The following METTL25B variants were observed in gnomAD, a reference collection of about 807,000 sequenced individuals.
METTL25B encodes methyltransferase like 25B, also known as methyltransferase-like protein 25B.
In METTL25B, 38 loss-of-function variants were observed where a neutral mutation model predicts 48.4. The observed-to-expected ratio is 0.78, with a 90% CI of 0.61 to 1.03. The LOEUF (loss-of-function observed/expected upper bound fraction) is 1.03, where lower values mean the gene tolerates loss of function less well. Ranked by LOEUF, METTL25B falls within the 50% of genes least tolerant of loss-of-function variation. METTL25B has a pLI of 0.00. For missense variants in METTL25B, 537 were observed against 603.7 expected (o/e 0.89, Z 1.16); for synonymous variants, 230 against 254.5 (o/e 0.90, Z 0.92).
chr1:156,729,210 A>T lies in METTL25B; in HGVS notation c.106A>T (p.Ile36Phe). Residue 36 changes from isoleucine (I) to phenylalanine (F), a missense_variant, in exon 1 of 8, where the codon ATC (isoleucine) becomes TTC (phenylalanine). Coordinates refer to ENST00000368216, the MANE Select transcript of METTL25B (RefSeq NM_015997.4). ...CTACCGTTCCATCTTGGATGCCTAC[A>T]TCATCGTGAGGCCACAGGGGCGTGG... ...ALYRSILDAY[I>F]IEFFTDNLWD... 1.3e-6 allele frequency: 2 copies of T among 1,599,044 alleles called. No homozygotes were observed. Among genetic ancestry groups the T allele is most frequent in the Non-Finnish European group, 1.7e-6 (2 of 1,168,628 alleles).
At position 156,735,849 on chromosome 1, in the gene METTL25B, C is replaced by CT; in HGVS notation, c.1248dup (p.Ala417CysfsTer24). Reference sequence around the variant, plus strand: ...GGCCTTCTTCAGCCTGGCTCTACTGCTTGCCCCACTGGTGGAGACGCTTAT... The same window carrying CT: ...GGCCTTCTTCAGCCTGGCTCTACTGCTTTGCCCCACTGGTGGAGACGCTTAT... On this transcript the variant is annotated frameshift_variant, in exon 7 of 8. Coordinates refer to ENST00000368216, the MANE Select transcript of METTL25B (RefSeq NM_015997.4). LOFTEE classifies it high-confidence loss of function. 1 of 1,613,190 alleles carries CT rather than the reference C, an allele frequency of 6.2e-7. No homozygotes were observed. Among genetic ancestry groups the CT allele is most frequent in the Admixed American group, 1.7e-5 (1 of 59,914 alleles).
chr1:156,736,823 C>G lies in METTL25B; in HGVS notation c.*70C>G. 2 of 1,490,608 alleles carry G rather than the reference C, an allele frequency of 1.3e-6. No individual in the cohort carries two copies. The highest frequency in any genetic ancestry group is 1.8e-6 in the Non-Finnish European group (2 of 1,102,912). 92.3% of individuals were successfully genotyped at this position (1,490,608 alleles called of 1,614,324 possible). A position where few individuals can be genotyped will look rare whatever the true frequency, so the allele number is the denominator to read the frequency against. Reference sequence around the variant, plus strand: ...CAGAGAGCACAGTGGCAGAGTACATCTCATCCAGAGAAACAGCATCCTGCA... The same window carrying G: ...CAGAGAGCACAGTGGCAGAGTACATGTCATCCAGAGAAACAGCATCCTGCA... On this transcript the variant is annotated 3_prime_UTR_variant, in exon 8 of 8. Transcript: ENST00000368216.
At chr1:156,734,601 G>A (rs957952100) in intron 6 of METTL25B, 108 bp downstream of exon 6, 8 of 1,227,976 alleles carry the variant, frequency 6.5e-6, no homozygotes, top group Non-Finnish European at 8.9e-6. Flanking sequence ...GAGCGATCTC[G>A]GCTCACTGCA....
Position 156,734,245 on chromosome 1 carries a change from T to C in METTL25B, c.873T>C (p.Ser291=). The change falls in exon 6 of 8, where the codon AGT becomes AGC. Residue 291 remains serine, a synonymous_variant. Transcript: ENST00000368216. ...TGGGCTGCTGCTACATGAAGCTGAG[T>C]GACCCTGGCGGCTACCCACTGAGTC... ...ASVGCCYMKL[S]DPGGYPLSQW... is the part of the protein sequence containing the mutation. 1 of 1,614,088 alleles carries C rather than the reference T, an allele frequency of 6.2e-7. No homozygotes were observed. The highest frequency in any genetic ancestry group is 8.5e-7 in the Non-Finnish European group (1 of 1,179,990).
Position 156,733,227 on chromosome 1 carries a change from A to G in METTL25B, c.493-150A>G, listed in dbSNP as rs1286989725. The G allele has an allele frequency of 3.8e-6, 4 of 1,048,494 alleles. No homozygotes were observed. In the East Asian group the frequency reaches 9.9e-5, roughly 26 times the overall value. The allele number at this position is 1,048,494 out of a possible 1,614,324, so 64.9% of individuals were successfully genotyped here. ...TTAACAATGGGGGAGTTATATACCA[A>G]CTTAAGCCACACTGATGTTAATAAG... On this transcript the variant is annotated intron_variant, in intron 4 of 7. Transcript: ENST00000368216.
chr1:156,735,416 A>G (rs990955994), intron 6 of METTL25B, among the ~76,000 whole-genome samples: 5 of 142,504 alleles, frequency 3.5e-5, no homozygotes, highest in Non-Finnish European at 6.1e-5. Flanking sequence ...TCAAAAATAC[A>G]TGGCCAGGTG....
At chr1:156,733,087 G>C in intron 4 of METTL25B, 40 bp downstream of exon 4, 1 of 1,583,946 alleles carries the variant, frequency 6.3e-7, no homozygotes, top group African/African-American at 1.3e-5. Flanking sequence ...TTGAGTCATG[G>C]GGACATAGAA....
In METTL25B at chr1:156,728,866, G is replaced by A; in HGVS notation, c.-239G>A. ...ACTGCACTGTTACCCCGCCCTACGT[G>A]TCTCTGACGCTGACACCTTCTCACT... is the stretch of plus-strand genomic sequence containing the variant. On this transcript the variant is annotated 5_prime_UTR_variant, in exon 1 of 8. Coordinates refer to ENST00000368216, the MANE Select transcript of METTL25B (RefSeq NM_015997.4). 1.5e-6 allele frequency: 1 copy of A among 664,678 alleles called. No individual in the cohort carries two copies. Among genetic ancestry groups the A allele is most frequent in the East Asian group, 3.8e-5 (1 of 26,160 alleles). The allele number at this position is 664,678 out of a possible 1,614,324, so 41.2% of individuals were successfully genotyped here.
intron 3 of METTL25B, among the ~76,000 whole-genome samples, chr1:156,732,697 C>A (rs913372067): frequency 3.3e-5 from 5 of 152,070 alleles, no homozygotes; most frequent in African/African-American, 1.2e-4. Flanking sequence ...ATTCCTGTTC[C>A]CAAATCTCCA....
chr1:156,729,302 C>T (rs1649024103), intron 1 of METTL25B, 87 bp downstream of exon 1: 1 of 751,658 alleles, frequency 1.3e-6, no homozygotes, highest in Non-Finnish European at 2.3e-6. Context: ...GAGAATTAGC[C>T]TCTGATCTCT....
intron 1 of METTL25B, among the ~76,000 whole-genome samples, chr1:156,730,469 A>G (rs770308681): frequency 6.6e-6 from 1 of 152,132 alleles, no homozygotes; most frequent in Non-Finnish European, 1.5e-5. Context: ...CACACCTGTA[A>G]TCCTAGCACT....
chr1:156,732,347 C>T lies in METTL25B; in HGVS notation c.303C>T (p.Thr101=). 2 of 1,614,246 alleles carry T rather than the reference C, an allele frequency of 1.2e-6. No individual in the cohort carries two copies. The highest frequency in any genetic ancestry group is 1.7e-6 in the Non-Finnish European group (2 of 1,180,052). ...CCACGGCGTGTGCCCTGGCCTTTAC[C>T]CGGATGCCTGGCTTTCAGACCCCCT... The part of the protein sequence containing the change: ...LKSTACALAF[T]RMPGFQTPSE... Residue 101 remains threonine, a synonymous_variant, in exon 3 of 8, where the codon ACC becomes ACT. Coordinates refer to ENST00000368216, the MANE Select transcript of METTL25B (RefSeq NM_015997.4).
intron 1 of METTL25B, 186 bp downstream of exon 1, chr1:156,729,401 ATTTC>A: frequency 2.6e-6 from 1 of 378,176 alleles, no homozygotes; most frequent in South Asian, 5.9e-5. Flanking sequence ...CATAAATAAT[ATTTC>A]TTTTTTTTTC....
In METTL25B at chr1:156,732,264, C is replaced by A; in HGVS notation, c.237-17C>A. 1 of 1,613,066 alleles carries A rather than the reference C, an allele frequency of 6.2e-7. No individual in the cohort carries two copies. The highest frequency in any genetic ancestry group is 8.5e-7 in the Non-Finnish European group (1 of 1,179,098). ...TGATGGGACTATTCACTGGAGGCCT[C>A]GGCTGGACTATCTCAGGTACAGGTC... On this transcript the variant is annotated splice_polypyrimidine_tract_variant and intron_variant, in intron 2 of 7. Transcript: ENST00000368216.
chr1:156,735,979 C>G, intron 7 of METTL25B, 70 bp downstream of exon 7: 2 of 1,351,664 alleles, frequency 1.5e-6, no homozygotes, highest in South Asian at 2.7e-5. Flanking sequence ...TCTCCAAGTC[C>G]CAGCCCCAAC....
rs747495888 is a variant in METTL25B at position 156,732,077 on chromosome 1, A to G, written c.198A>G (p.Thr66=). The change falls in exon 2 of 8, where the codon ACA becomes ACG. Residue 66 remains threonine (T), a synonymous_variant. Transcript: ENST00000368216. Reference sequence around the variant, plus strand: ...GACTGAAACCACCACAGCTGGCCACAATGCTGCTGGGGATGCCTGGGGAAG... The same window carrying G: ...GACTGAAACCACCACAGCTGGCCACGATGCTGCTGGGGATGCCTGGGGAAG... ...LDGLKPPQLA[T]MLLGMPGEGE... 4.3e-6 allele frequency: 7 copies of G among 1,614,076 alleles called. No homozygotes were observed. In the East Asian group the frequency reaches 1.6e-4, roughly 36 times the overall value.
chr1:156,733,257 G>A, intron 4 of METTL25B, 120 bp from the exon 5 acceptor site: 1 of 1,246,874 alleles, frequency 8.0e-7, no homozygotes. Context: ...AATAAGTTCT[G>A]TAGGGTAAAA....
In METTL25B at chr1:156,729,465, C is replaced by G. The variant is rs1226803298; in HGVS notation, c.111+250C>G. ...TTTTTGAGACGGAGTCTCGCTCTGT[C>G]CCCCAGGCTGGAGTGCAGTGGCACG... is the stretch of plus-strand genomic sequence containing the variant. On this transcript the variant is annotated intron_variant, in intron 1 of 7. Coordinates refer to ENST00000368216, the MANE Select transcript of METTL25B (RefSeq NM_015997.4). 33 of 315,068 alleles carry G rather than the reference C, an allele frequency of 1.0e-4. No individual in the cohort carries two copies. In the Admixed American group the frequency reaches 2.1e-3, roughly 20 times the overall value. The allele number at this position is 315,068 out of a possible 1,614,324, so 19.5% of individuals were successfully genotyped here. A position where few individuals can be genotyped will look rare whatever the true frequency, so the allele number is the denominator to read the frequency against.
At chr1:156,732,839 T>G in intron 3 of METTL25B, 146 bp from the exon 4 acceptor site, 6 of 702,154 alleles carry the variant, frequency 8.5e-6, no homozygotes, top group Non-Finnish European at 1.5e-5. Flanking sequence ...CACCCTTATA[T>G]CTTTCTTTCC....
Sources: allele counts gnomAD v4.1 joint callset (sites outside exome capture counted in the v4.1 genomes callset), GRCh38; gene constraint gnomAD v4.1.1; transcripts MANE v1.5; gene names NCBI Gene and HGNC (gene_info 2026-07-23, HGNC 2026-07-21).